Variants in LINGO2 observed in about 807,000 individuals in gnomAD.
LINGO2 encodes leucine-rich repeat and immunoglobulin-like domain-containing nogo receptor-interacting protein 2.
A neutral mutation model predicts 30.6 loss-of-function variants in LINGO2; 14 were observed. That is an observed-to-expected ratio of 0.46 (90% CI 0.30 to 0.72). The LOEUF (loss-of-function observed/expected upper bound fraction) is 0.72. Among genes scored for constraint, LINGO2 ranks in the 30% least tolerant of loss-of-function variants. The pLI, the probability that LINGO2 is intolerant of heterozygous loss-of-function variation, is 0.07. For synonymous variants in LINGO2, 317 were observed against 288.5 expected (o/e 1.10, Z -1.00); for missense variants, 729 against 751.7 (o/e 0.97, Z 0.35).
chr9:28,074,190 A>G (rs2133188121), intron 4 of LINGO2, among the ~76,000 whole-genome samples: 1 of 152,302 alleles, frequency 6.6e-6, no homozygotes, highest in East Asian at 1.9e-4. Context: ...CAAGAGTTTA[A>G]AAAGGTGTCA....
intron 2 of LINGO2, among the ~76,000 whole-genome samples, chr9:28,378,745 T>C (rs961258473): frequency 6.6e-6 from 1 of 152,156 alleles, no homozygotes; most frequent in African/African-American, 2.4e-5. Flanking sequence ...TTAATTTAAT[T>C]GGGATTGTGG....
the LINGO2 span, among the ~76,000 whole-genome samples, chr9:28,884,994 TATTA>T: frequency 8.7e-4 from 4 of 4,610 alleles, 1 homozygote; most frequent in African/African-American, 2.8e-3. Context: ...TATAATAATA[TATTA>T]TATATATATA....
chr9:28,779,664 A>T, the LINGO2 span, among the ~76,000 whole-genome samples: 1 of 152,174 alleles, frequency 6.6e-6, no homozygotes, highest in Non-Finnish European at 1.5e-5. Flanking sequence ...GAATCTTACA[A>T]CACATTTCAG....
chr9:27,960,450 G>A (rs1231796461), intron 5 of LINGO2, among the ~76,000 whole-genome samples: 6 of 152,098 alleles, frequency 3.9e-5, no homozygotes, highest in African/African-American at 1.4e-4. Flanking sequence ...CTATCTTGCA[G>A]CTATAATTTC....
chr9:28,714,188 T>TATATATAC, the LINGO2 span, among the ~76,000 whole-genome samples: 57 of 73,360 alleles, frequency 7.8e-4, no homozygotes, highest in East Asian at 4.6e-3. Context: ...TATATATATA[T>TATATATAC]ACACACATAC....
chr9:29,115,108 C>A, the LINGO2 span, among the ~76,000 whole-genome samples: 1 of 152,004 alleles, frequency 6.6e-6, no homozygotes, highest in Admixed American at 6.6e-5. Flanking sequence ...TTCAAAGAAA[C>A]TGACAATGGA....
At chr9:29,107,270 T>C in the LINGO2 span, among the ~76,000 whole-genome samples, 1 of 152,146 alleles carries the variant, frequency 6.6e-6, no homozygotes, top group Non-Finnish European at 1.5e-5. Flanking sequence ...GATTACAATA[T>C]ACCTAAAAGT....
At chr9:29,158,821 A>G in the LINGO2 span, among the ~76,000 whole-genome samples, 1 of 152,172 alleles carries the variant, frequency 6.6e-6, no homozygotes, top group Admixed American at 6.5e-5. Context: ...AGGCAGGCAG[A>G]CAGAAACAAA....
the LINGO2 span, among the ~76,000 whole-genome samples, chr9:28,837,630 A>G: frequency 7.5e-6 from 1 of 132,724 alleles, no homozygotes. Flanking sequence ...CTGGGCAACA[A>G]GAGCAAAACT....
rs11311789 is a variant in LINGO2, at chr9:28,271,156, TAA to T, written c.-87+24050_-87+24051del. On this transcript the variant is annotated intron_variant, in intron 4 of 5. Coordinates refer to ENST00000379992, the Ensembl canonical transcript of LINGO2. ...TTGCTCTGTATTTATAAGAAAAAAG[TAA>T]AAAAAAAAAACACAAAAAACTTAGA... 4.1e-5 allele frequency among the ~76,000 whole-genome samples: 6 copies of T among 144,654 alleles called. 1 individual carries two copies. The highest frequency in any genetic ancestry group is 2.1e-4 in the Admixed American group (3 of 14,498). 94.9% of individuals were successfully genotyped at this position (144,654 alleles called of 152,430 possible). A position where few individuals can be genotyped will look rare whatever the true frequency, so the allele number is the denominator to read the frequency against.
chr9:28,744,370 C>A, the LINGO2 span, among the ~76,000 whole-genome samples: 1 of 151,894 alleles, frequency 6.6e-6, no homozygotes, highest in Non-Finnish European at 1.5e-5. Context: ...TCCTGCTTTT[C>A]TTTTGCCTGC....
At chr9:29,140,467 T>C in the LINGO2 span, among the ~76,000 whole-genome samples, 1 of 151,604 alleles carries the variant, frequency 6.6e-6, no homozygotes, top group Non-Finnish European at 1.5e-5. Flanking sequence ...AACTCAAAGA[T>C]GGGCCATTTG....
At chr9:28,679,511 T>C in the LINGO2 span, among the ~76,000 whole-genome samples, 2 of 152,076 alleles carry the variant, frequency 1.3e-5, no homozygotes, top group Non-Finnish European at 2.9e-5. Flanking sequence ...TTCCTAGCCC[T>C]TAAAAACTAG....
At chr9:29,082,255 G>C in the LINGO2 span, among the ~76,000 whole-genome samples, 3 of 152,132 alleles carry the variant, frequency 2.0e-5, no homozygotes, top group Non-Finnish European at 2.9e-5. Flanking sequence ...GAACAGAACA[G>C]AGCACTCAGA....
At chr9:28,379,888 G>A (rs1296126286) in intron 2 of LINGO2, among the ~76,000 whole-genome samples, 1 of 152,034 alleles carries the variant, frequency 6.6e-6, no homozygotes, top group Admixed American at 6.6e-5. Flanking sequence ...CAAGGTTCTG[G>A]AACATCTAAG....
At chr9:28,606,798 A>G (rs11999919) in intron 1 of LINGO2, among the ~76,000 whole-genome samples, 28,363 of 152,010 alleles carry the variant, frequency 0.19, 2,933 homozygotes, top group Admixed American at 0.29. Flanking sequence ...GCAATTATGT[A>G]AAATTGAATC....
chr9:28,867,148 C>A, the LINGO2 span, among the ~76,000 whole-genome samples: 12 of 152,088 alleles, frequency 7.9e-5, no homozygotes, highest in South Asian at 2.1e-4. Flanking sequence ...ACTAATATGA[C>A]AAATGCTGCT....
chr9:29,072,083 A>G, the LINGO2 span, among the ~76,000 whole-genome samples: 6 of 152,102 alleles, frequency 3.9e-5, no homozygotes, highest in African/African-American at 1.2e-4. Context: ...CCTCCACTAG[A>G]AAGTTGGGCA....
At chr9:28,396,308 G>C (rs12377420) in intron 2 of LINGO2, among the ~76,000 whole-genome samples, 1 of 151,892 alleles carries the variant, frequency 6.6e-6, no homozygotes, top group Non-Finnish European at 1.5e-5. Context: ...AGAGATATAT[G>C]GGACTATTTT....
Sources: allele counts gnomAD v4.1 joint callset (sites outside exome capture counted in the v4.1 genomes callset), GRCh38; gene constraint gnomAD v4.1.1; transcripts MANE v1.5; gene names NCBI Gene and HGNC (gene_info 2026-07-23, HGNC 2026-07-21).